The following IRAK1BP1 variants were observed in gnomAD, a reference collection of about 807,000 sequenced individuals.
IRAK1BP1 encodes interleukin 1 receptor associated kinase 1 binding protein 1.
Under a neutral mutation model 28.0 loss-of-function variants are expected in IRAK1BP1, and 24 were observed. That is an observed-to-expected ratio of 0.86 (90% CI 0.62 to 1.20). The LOEUF is 1.20. Ranked by LOEUF, IRAK1BP1 falls within the 50% of genes most tolerant of loss-of-function variation. The probability of loss-of-function intolerance (pLI) is 0.00; values close to 1 mark genes in which losing one functional copy is unlikely to be tolerated. For missense variants in IRAK1BP1, 336 were observed against 316.7 expected (o/e 1.06, Z -0.46); for synonymous variants, 131 against 116.3 (o/e 1.13, Z -0.81).
chr6:78,969,448 G>T, the IRAK1BP1 span, among the ~76,000 whole-genome samples: 1 of 152,108 alleles, frequency 6.6e-6, no homozygotes, highest in African/African-American at 2.4e-5. Flanking sequence ...TAATTTTAAA[G>T]ATTATAATAG....
At chr6:78,930,104 T>A (rs2127669721) in intron 4 of IRAK1BP1, among the ~76,000 whole-genome samples, 1 of 152,096 alleles carries the variant, frequency 6.6e-6, no homozygotes, top group African/African-American at 2.4e-5. Flanking sequence ...CCCAGCTAAT[T>A]TTTTGTAGAG....
intron 4 of IRAK1BP1, among the ~76,000 whole-genome samples, chr6:78,932,661 C>T (rs925808128): frequency 2.0e-5 from 3 of 152,086 alleles, no homozygotes; most frequent in Non-Finnish European, 4.4e-5. Flanking sequence ...TCAGGTGATC[C>T]ACCCACCTTG....
the IRAK1BP1 span, among the ~76,000 whole-genome samples, chr6:78,967,938 T>C: frequency 1.3e-5 from 2 of 151,662 alleles, no homozygotes; most frequent in African/African-American, 2.4e-5. Flanking sequence ...ATCAAGACCA[T>C]CCTGGCTAAC....
intron 1 of IRAK1BP1, among the ~76,000 whole-genome samples, chr6:78,875,489 A>G (rs1339615408): frequency 7.2e-6 from 1 of 138,304 alleles, no homozygotes; most frequent in Non-Finnish European, 1.6e-5. Flanking sequence ...CCAGGTGCCC[A>G]TCAACAATGG....
At chr6:78,969,453 T>C in the IRAK1BP1 span, among the ~76,000 whole-genome samples, 1 of 152,222 alleles carries the variant, frequency 6.6e-6, no homozygotes, top group Non-Finnish European at 1.5e-5. Context: ...TTAAAGATTA[T>C]AATAGGATTA....
intron 1 of IRAK1BP1, among the ~76,000 whole-genome samples, chr6:78,881,044 G>A (rs562890602): frequency 6.6e-6 from 1 of 152,100 alleles, no homozygotes; most frequent in African/African-American, 2.4e-5. Context: ...AATTGAAAAC[G>A]TAAGTACATA....
intron 4 of IRAK1BP1, among the ~76,000 whole-genome samples, chr6:78,920,008 C>T (rs566032310): frequency 1.3e-5 from 2 of 152,212 alleles, no homozygotes; most frequent in Non-Finnish European, 2.9e-5. Flanking sequence ...GTAATCCCAA[C>T]ACTTTGGGAG....
At chr6:78,926,870 G>A (rs1582052993) in intron 4 of IRAK1BP1, among the ~76,000 whole-genome samples, 1 of 152,172 alleles carries the variant, frequency 6.6e-6, no homozygotes. Context: ...GTTGCAAATG[G>A]CAGGATCTTA....
At chr6:78,974,941 G>T in the IRAK1BP1 span, among the ~76,000 whole-genome samples, 5 of 151,362 alleles carry the variant, frequency 3.3e-5, no homozygotes, top group Admixed American at 6.6e-5. Flanking sequence ...TTCTACCAGA[G>T]GTACAAGGAG....
the IRAK1BP1 span, among the ~76,000 whole-genome samples, chr6:78,968,494 G>A: frequency 0.45 from 68,261 of 152,044 alleles, 15,998 homozygotes; most frequent in East Asian, 0.69. Flanking sequence ...ACATCGGGGG[G>A]TTCCGTAGGA....
the IRAK1BP1 span, among the ~76,000 whole-genome samples, chr6:78,974,696 C>T: frequency 1.3e-5 from 2 of 151,978 alleles, no homozygotes; most frequent in African/African-American, 4.8e-5. Context: ...GGGATATCAC[C>T]ACCGATCCCA....
chr6:78,879,283 G>A (rs2127641914), intron 1 of IRAK1BP1, among the ~76,000 whole-genome samples: 1 of 152,054 alleles, frequency 6.6e-6, no homozygotes, highest in Non-Finnish European at 1.5e-5. Flanking sequence ...ACACCAAAAT[G>A]GCACATGTAT....
At chr6:78,967,387 CA>C in the IRAK1BP1 span, among the ~76,000 whole-genome samples, 19 of 152,190 alleles carry the variant, frequency 1.2e-4, no homozygotes, top group Non-Finnish European at 2.4e-4. Context: ...TGACCCTACA[CA>C]GACTGATTAT....
chr6:78,940,678 A>G, intron 4 of IRAK1BP1: 1 of 1,576,642 alleles, frequency 6.3e-7, no homozygotes, highest in Non-Finnish European at 8.7e-7. Context: ...TTGAAGTAAA[A>G]TATTTTGGTA....
At chr6:78,886,175 C>T (rs1771428393) in intron 2 of IRAK1BP1, among the ~76,000 whole-genome samples, 2 of 152,070 alleles carry the variant, frequency 1.3e-5, no homozygotes, top group South Asian at 2.1e-4. Context: ...CTCCATCACC[C>T]GTTTCTATCT....
chr6:78,940,914 G>GATC lies in IRAK1BP1; in HGVS notation c.*68-4490_*68-4488dup. 1 of 1,613,542 alleles carries GATC rather than the reference G, an allele frequency of 6.2e-7. No homozygotes were observed. The highest frequency in any genetic ancestry group is 8.5e-7 in the Non-Finnish European group (1 of 1,179,598). On this transcript the variant is annotated intron_variant and NMD_transcript_variant, in intron 4 of 4. Coordinates refer to the IRAK1BP1 transcript ENST00000606868. ...TCAAACTCTTCTTCCTCATCTATAG[G>GATC]ATCATCTATCTTTTTTCGGTTACTT...
Position 78,901,251 on chromosome 6 carries a change from A to G in IRAK1BP1, c.*2917A>G, listed in dbSNP as rs985759598. The G allele has an allele frequency of 6.6e-6, 1 of 152,176 alleles. No individual in the cohort carries two copies. The highest frequency in any genetic ancestry group is 2.4e-5 in the African/African-American group (1 of 41,540). The allele number at this position is 152,176 out of a possible 1,614,324, so 9.4% of individuals were successfully genotyped here. On this transcript the variant is annotated 3_prime_UTR_variant, in exon 4 of 4. Transcript: ENST00000369940. ...GAACTTTTAAAGATGTTGTCTCCAA[A>G]AAAAACAAAAAAATCCTGTAAAGTA...
chr6:78,925,174 TG>T (rs1176955203), intron 4 of IRAK1BP1, among the ~76,000 whole-genome samples: 2 of 145,906 alleles, frequency 1.4e-5, no homozygotes, highest in African/African-American at 5.1e-5. Context: ...TGTTTTGGGG[TG>T]GGGGTATGGG....
chr6:78,954,839 T>A, the IRAK1BP1 span: 1 of 1,581,618 alleles, frequency 6.3e-7, no homozygotes, highest in Non-Finnish European at 8.5e-7. Context: ...ATCTACCGGC[T>A]GACGGAAAGG....
Sources: allele counts gnomAD v4.1 joint callset (sites outside exome capture counted in the v4.1 genomes callset), GRCh38; gene constraint gnomAD v4.1.1; transcripts MANE v1.5; gene names NCBI Gene and HGNC (gene_info 2026-07-23, HGNC 2026-07-21).